Variants in TBC1D5 observed in about 807,000 individuals in gnomAD.
TBC1D5 encodes the protein TBC1 domain family member 5, also known as TBC1 domain family, member 5.
Under a neutral mutation model 100.3 loss-of-function variants are expected in TBC1D5, and 75 were observed. The observed-to-expected ratio is 0.75, with a 90% confidence interval of 0.62 to 0.91. The LOEUF is 0.91. TBC1D5 is among the 40% of genes least tolerant of loss of function. The probability of loss-of-function intolerance (pLI) is 0.00; values close to 1 mark genes in which losing one functional copy is unlikely to be tolerated. For synonymous variants in TBC1D5, 323 were observed against 325.6 expected (o/e 0.99, Z 0.09); for missense variants, 910 against 942.4 (o/e 0.97, Z 0.45).
chr3:17,401,255 T>TAC (rs1388599225), intron 8 of TBC1D5, among the ~76,000 whole-genome samples: 2 of 149,464 alleles, frequency 1.3e-5, no homozygotes, highest in Admixed American at 6.7e-5. Flanking sequence ...GTGTATAATA[T>TAC]ACATATATAT....
At chr3:17,335,229 T>G (rs932563991) in intron 13 of TBC1D5, among the ~76,000 whole-genome samples, 1 of 152,068 alleles carries the variant, frequency 6.6e-6, no homozygotes, top group African/African-American at 2.4e-5. Flanking sequence ...ACTTGGTAAG[T>G]TTTTCTCTGT....
chr3:17,422,402 G>C (rs2094232323), intron 4 of TBC1D5, among the ~76,000 whole-genome samples: 1 of 151,430 alleles, frequency 6.6e-6, no homozygotes, highest in South Asian at 2.1e-4. Flanking sequence ...GGCCAGGCTG[G>C]TCTTGAACAA....
chr3:17,734,854 T>C (rs940098047), intron 1 of TBC1D5, among the ~76,000 whole-genome samples: 1 of 151,950 alleles, frequency 6.6e-6, no homozygotes, highest in Non-Finnish European at 1.5e-5. Context: ...GGGAGGCCGA[T>C]GTGGGAGGAT....
intron 8 of TBC1D5, among the ~76,000 whole-genome samples, chr3:17,388,685 C>CAAAA (rs60539576): frequency 9.3e-6 from 1 of 108,004 alleles, no homozygotes; most frequent in Non-Finnish European, 1.9e-5. Flanking sequence ...CCTGCCTTTA[C>CAAAA]AAAAAAAAAA....
intron 3 of TBC1D5, among the ~76,000 whole-genome samples, chr3:17,493,640 T>C (rs2095666216): frequency 6.6e-6 from 1 of 152,328 alleles, no homozygotes; most frequent in East Asian, 1.9e-4. Context: ...TTCTCTTTTC[T>C]CTAATCTTGT....
intron 2 of TBC1D5, among the ~76,000 whole-genome samples, chr3:17,560,017 G>C (rs2096548403): frequency 6.6e-6 from 1 of 152,038 alleles, no homozygotes; most frequent in African/African-American, 2.4e-5. Flanking sequence ...TGGATGCAGG[G>C]TTTGAGAATC....
At chr3:17,724,559 T>C (rs2075970336) in intron 1 of TBC1D5, among the ~76,000 whole-genome samples, 2 of 152,224 alleles carry the variant, frequency 1.3e-5, no homozygotes, top group Non-Finnish European at 2.9e-5. Context: ...GTTGTTGATG[T>C]TCTTCATTTT....
At chr3:17,569,888 G>C (rs908971857) in intron 2 of TBC1D5, among the ~76,000 whole-genome samples, 6 of 151,352 alleles carry the variant, frequency 4.0e-5, no homozygotes, top group African/African-American at 1.5e-4. Flanking sequence ...AGTGACATAT[G>C]GTATACATAT....
intron 18 of TBC1D5, among the ~76,000 whole-genome samples, chr3:17,211,839 C>T (rs1334220207): frequency 2.6e-5 from 4 of 152,154 alleles, no homozygotes; most frequent in Non-Finnish European, 4.4e-5. Flanking sequence ...CTAAAGGTGC[C>T]AGGTTTAAAC....
chr3:17,713,408 AT>A (rs1292142025), intron 1 of TBC1D5, among the ~76,000 whole-genome samples: 3 of 151,772 alleles, frequency 2.0e-5, no homozygotes, highest in Admixed American at 6.6e-5. Context: ...CGCCCGGCTA[AT>A]TTTTTTGTAT....
At position 17,726,662 on chromosome 3, in the gene TBC1D5, T is replaced by C. The variant is rs1221846422; in HGVS notation, c.-101+12681A>G. ...GAAATATTTCCCCCCATTCTGTAGG[T>C]TGTCTGTTTACTTTGCTGATGATTT... On this transcript the variant is annotated intron_variant, in intron 1 of 21. Coordinates refer to ENST00000253692, the Ensembl canonical transcript of TBC1D5. 2.6e-5 allele frequency among the ~76,000 whole-genome samples: 4 copies of C among 152,232 alleles called. No homozygotes were observed. The East Asian group carries it at 5.8e-4, about 22-fold the overall frequency.
chr3:17,409,926 C>T (rs531673773), intron 4 of TBC1D5, among the ~76,000 whole-genome samples: 55 of 152,268 alleles, frequency 3.6e-4, no homozygotes, highest in Non-Finnish European at 6.5e-4. Context: ...CAGTAAGTTA[C>T]ACAGAAGATC....
chr3:17,353,350 C>CAT (rs796864017), intron 13 of TBC1D5, among the ~76,000 whole-genome samples: 44 of 152,012 alleles, frequency 2.9e-4, no homozygotes, highest in African/African-American at 1.1e-3. Context: ...GTATAAGGTC[C>CAT]ATAAGTCCAT....
chr3:17,161,113 C>T (rs1445029301), exon 22 of TBC1D5: 2 of 1,614,138 alleles, frequency 1.2e-6, no homozygotes, highest in Non-Finnish European at 8.5e-7. Flanking sequence ...CCTGGCTTTT[C>T]CCAGAGGTGC....
chr3:17,410,575 G>C (rs143500093), intron 4 of TBC1D5, among the ~76,000 whole-genome samples: 1 of 152,068 alleles, frequency 6.6e-6, no homozygotes, highest in Non-Finnish European at 1.5e-5. Flanking sequence ...TCTAGATGTC[G>C]TTAAGAACAT....
At chr3:17,258,507 G>T in exon 16 of TBC1D5, 1 of 1,609,812 alleles carries the variant, frequency 6.2e-7, no homozygotes, top group East Asian at 2.2e-5. Context: ...GGGACTTACC[G>T]GCTTTTATTC....
chr3:17,480,987 G>A (rs979022324), intron 3 of TBC1D5, among the ~76,000 whole-genome samples: 1 of 152,168 alleles, frequency 6.6e-6, no homozygotes, highest in Non-Finnish European at 1.5e-5. Flanking sequence ...CCACATTGTG[G>A]GCAATCAAAA....
intron 1 of TBC1D5, among the ~76,000 whole-genome samples, chr3:17,649,914 C>T (rs2065376539): frequency 6.6e-6 from 1 of 152,118 alleles, no homozygotes; most frequent in South Asian, 2.1e-4. Context: ...CAATGATAGA[C>T]TGAATAAAGA....
chr3:17,715,238 C>T (rs924835206), intron 1 of TBC1D5, among the ~76,000 whole-genome samples: 1 of 152,134 alleles, frequency 6.6e-6, no homozygotes, highest in African/African-American at 2.4e-5. Context: ...ACTTCCATAA[C>T]ACAGAACTTA....
Sources: allele counts gnomAD v4.1 joint callset (sites outside exome capture counted in the v4.1 genomes callset), GRCh38; gene constraint gnomAD v4.1.1; transcripts MANE v1.5; gene names NCBI Gene and HGNC (gene_info 2026-07-23, HGNC 2026-07-21).